The following CCDC171 variants were observed in gnomAD, a reference collection of about 807,000 sequenced individuals.
CCDC171 encodes coiled-coil domain containing 171.
Under a neutral mutation model 168.2 loss-of-function variants are expected in CCDC171, and 177 were observed. That is an observed-to-expected ratio of 1.05 (90% CI 0.93 to 1.19). The LOEUF is 1.19. Ranked by LOEUF, CCDC171 falls within the 50% of genes most tolerant of loss-of-function variation. The pLI is 0.00. For synonymous variants in CCDC171, 687 were observed against 540.8 expected, an observed-to-expected ratio of 1.27 and a Z score of -3.75; for missense variants, 1,991 against 1,539.0, an observed-to-expected ratio of 1.29 and a Z score of -4.91.
rs376666420 is a variant in CCDC171 at position 15,917,951 on chromosome 9, G to T, written c.3601-2319G>T. On this transcript the variant is annotated intron_variant, in intron 24 of 25. Transcript: ENST00000380701. ...ATTGTCTCATTTAGATTTTAGTGGA[G>T]AATTTAAAAATAGAACAATAGTAAT... 1.7e-4 allele frequency among the ~76,000 whole-genome samples: 26 copies of T among 151,748 alleles called. No individual in the cohort carries two copies. In the East Asian group the frequency reaches 4.6e-3, roughly 27 times the overall value.
At chr9:16,102,342 G>T in the CCDC171 span, among the ~76,000 whole-genome samples, 1 of 152,136 alleles carries the variant, frequency 6.6e-6, no homozygotes. Flanking sequence ...TTCCTTTCCA[G>T]GGAGGATTGC....
At chr9:15,955,668 G>A (rs10810509) in intron 25 of CCDC171, among the ~76,000 whole-genome samples, 47,405 of 152,010 alleles carry the variant, frequency 0.31, 9,183 homozygotes, top group East Asian at 0.61. Flanking sequence ...ATTCCAAAAT[G>A]CTTTCATCAG....
intron 21 of CCDC171, among the ~76,000 whole-genome samples, chr9:15,819,658 C>T (rs1230398844): frequency 8.5e-6 from 1 of 117,502 alleles, no homozygotes; most frequent in Admixed American, 8.0e-5. Context: ...AATATATATG[C>T]ACCCAATACA....
At chr9:15,752,745 G>A (rs1228220811) in intron 18 of CCDC171, among the ~76,000 whole-genome samples, 1 of 152,086 alleles carries the variant, frequency 6.6e-6, no homozygotes, top group Non-Finnish European at 1.5e-5. Context: ...CTTGTCGGGG[G>A]TGTGGGCTGG....
chr9:15,726,970 A>T (rs899409232), intron 14 of CCDC171, among the ~76,000 whole-genome samples: 2 of 152,166 alleles, frequency 1.3e-5, no homozygotes, highest in Non-Finnish European at 2.9e-5. Flanking sequence ...TATAGTAAGT[A>T]AACCCTCCTC....
chr9:15,578,407 G>GTATTATTATTATTAT (rs36232245), intron 3 of CCDC171, among the ~76,000 whole-genome samples: 7 of 134,308 alleles, frequency 5.2e-5, no homozygotes, highest in African/African-American at 2.0e-4. Context: ...GTTAATTTTT[G>GTATTATTATTATTAT]TATTATTATT....
At chr9:15,984,995 TATATG>T (rs1186922632) in intron 3 of CCDC171, among the ~76,000 whole-genome samples, 1 of 152,172 alleles carries the variant, frequency 6.6e-6, no homozygotes, top group African/African-American at 2.4e-5. Context: ...TGTTGGTACA[TATATG>T]AGAGAAAAGG....
intron 10 of CCDC171, among the ~76,000 whole-genome samples, chr9:15,690,400 G>C (rs1045944585): frequency 2.0e-5 from 3 of 152,148 alleles, no homozygotes; most frequent in African/African-American, 7.2e-5. Context: ...TGAGAATTTA[G>C]TATATGATAA....
intron 1 of CCDC171, among the ~76,000 whole-genome samples, chr9:15,561,834 AAAAG>A (rs751575479): frequency 5.3e-5 from 8 of 152,104 alleles, no homozygotes; most frequent in Non-Finnish European, 8.8e-5. Context: ...AATTAAAAAA[AAAAG>A]AAAGACTTGA....
intron 16 of CCDC171, among the ~76,000 whole-genome samples, chr9:15,734,312 G>A (rs1204324758): frequency 6.6e-6 from 1 of 152,132 alleles, no homozygotes; most frequent in East Asian, 1.9e-4. Flanking sequence ...GAGGCAAGTG[G>A]ATCACCTTGA....
intron 3 of CCDC171, among the ~76,000 whole-genome samples, chr9:15,998,630 G>T (rs1328270): frequency 6.6e-6 from 1 of 152,144 alleles, no homozygotes; most frequent in Non-Finnish European, 1.5e-5. Flanking sequence ...TTGCTGATAG[G>T]TTGGACCTTC....
At chr9:15,700,093 G>A (rs1223364214) in intron 11 of CCDC171, among the ~76,000 whole-genome samples, 3 of 152,186 alleles carry the variant, frequency 2.0e-5, no homozygotes, top group African/African-American at 7.2e-5. Flanking sequence ...GTGGAGCAGG[G>A]GGCAGTGCTC....
chr9:15,775,105 T>TA (rs36074942), intron 18 of CCDC171, among the ~76,000 whole-genome samples: 68,028 of 151,874 alleles, frequency 0.45, 15,540 homozygotes, highest in Non-Finnish European at 0.49. Flanking sequence ...CCTATTGAAA[T>TA]AAAAAAAATT....
At chr9:15,745,786 TTAA>T (rs1030323256) in intron 18 of CCDC171, among the ~76,000 whole-genome samples, 155 bp downstream of exon 18, 9 of 152,334 alleles carry the variant, frequency 5.9e-5, no homozygotes, top group Non-Finnish European at 1.2e-4. Context: ...AACTCTGTAC[TTAA>T]TGATGTAAAT....
chr9:15,790,629 T>C (rs1478004406), intron 21 of CCDC171, among the ~76,000 whole-genome samples: 3 of 152,234 alleles, frequency 2.0e-5, no homozygotes, highest in Non-Finnish European at 4.4e-5. Flanking sequence ...TTTCGGCTTT[T>C]GTTGCCATTG....
chr9:15,823,770 A>G (rs2059898030), intron 21 of CCDC171, among the ~76,000 whole-genome samples: 1 of 152,082 alleles, frequency 6.6e-6, no homozygotes, highest in African/African-American at 2.4e-5. Flanking sequence ...AGATTTTTGT[A>G]TTTTATATTG....
At chr9:15,986,193 TG>T (rs1445290864) in intron 3 of CCDC171, among the ~76,000 whole-genome samples, 2 of 152,254 alleles carry the variant, frequency 1.3e-5, no homozygotes, top group Admixed American at 6.5e-5. Flanking sequence ...CATATTGATC[TG>T]CTGATAGGCA....
At chr9:16,104,165 C>A in the CCDC171 span, among the ~76,000 whole-genome samples, 4 of 152,040 alleles carry the variant, frequency 2.6e-5, no homozygotes, top group Admixed American at 2.0e-4. Flanking sequence ...CTTCTTCTTA[C>A]AAGCCTCCCA....
downstream of CCDC171, among the ~76,000 whole-genome samples, chr9:15,977,319 C>T (rs141788301): frequency 2.0e-5 from 3 of 152,246 alleles, no homozygotes; most frequent in African/African-American, 7.2e-5. Flanking sequence ...ATTACATTTC[C>T]ATGGACGTTG....
Sources: allele counts gnomAD v4.1 joint callset (sites outside exome capture counted in the v4.1 genomes callset), GRCh38; gene constraint gnomAD v4.1.1; transcripts MANE v1.5; gene names NCBI Gene and HGNC (gene_info 2026-07-23, HGNC 2026-07-21).